Variants in DOCK8 observed in about 807,000 individuals in gnomAD.
DOCK8 encodes the protein dedicator of cytokinesis 8.
Under a neutral mutation model 245.6 loss-of-function variants are expected in DOCK8, and 141 were observed. The observed-to-expected ratio is 0.57, with a 90% CI of 0.50 to 0.66. DOCK8 has a LOEUF of 0.66. DOCK8 is among the 30% of genes least tolerant of loss of function. The pLI, the probability that DOCK8 is intolerant of heterozygous loss-of-function variation, is 0.00. For missense variants in DOCK8, 2,965 were observed against 2,603.4 expected (o/e 1.14, Z -3.02); for synonymous variants, 1,168 against 970.2 (o/e 1.20, Z -3.79).
At chr9:400,385 CCAT>C (rs1366516473) in intron 26 of DOCK8, among the ~76,000 whole-genome samples, 10 of 85,274 alleles carry the variant, frequency 1.2e-4, no homozygotes, top group South Asian at 4.2e-4. Context: ...TTCACCATCA[CCAT>C]CACCACCACC....
At chr9:250,662 G>A (rs546399953) in intron 1 of DOCK8, among the ~76,000 whole-genome samples, 9 of 152,260 alleles carry the variant, frequency 5.9e-5, no homozygotes, top group South Asian at 2.1e-4. Context: ...GGGCCTACAC[G>A]GGTGGAAAGC....
intron 44 of DOCK8, among the ~76,000 whole-genome samples, chr9:448,760 C>T (rs1157133803): frequency 2.0e-5 from 3 of 152,180 alleles, no homozygotes; most frequent in African/African-American, 7.2e-5. Flanking sequence ...CTCATTTTAA[C>T]TTGATTGCCT....
intron 26 of DOCK8, among the ~76,000 whole-genome samples, chr9:400,810 C>T: frequency 9.2e-5 from 10 of 108,782 alleles, no homozygotes; most frequent in Non-Finnish European, 1.1e-4. Flanking sequence ...CCTCCACCAT[C>T]ACCACCACCT....
Position 443,481 on chromosome 9 carries a change from A to G in DOCK8, c.5545A>G (p.Thr1849Ala). 1.2e-6 allele frequency: 2 copies of G among 1,614,046 alleles called. No individual in the cohort carries two copies. Among genetic ancestry groups the G allele is most frequent in the Non-Finnish European group, 1.7e-6 (2 of 1,179,990 alleles). ...ATTTGTGGAAGTGATTAAAGACTCC[A>G]CTCCTGTGGACAAAACCAAGTTGGA... ...AEFVEVIKDS[T>A]PVDKTKLDPN... Residue 1849 changes from threonine to alanine, a missense_variant, in exon 43 of 48, where the codon ACT becomes GCT. Physicochemically the swap from Thr to Ala is moderately conservative, Grantham distance 58. Transcript: ENST00000432829.
intron 9 of DOCK8, 101 bp from the exon 10 acceptor site, chr9:332,297 G>T: frequency 2.5e-6 from 2 of 799,378 alleles, no homozygotes; most frequent in Non-Finnish European, 4.3e-6. Flanking sequence ...AGCTTCCTAT[G>T]TCATCAAATA....
At chr9:417,723 G>T (rs937422388) in intron 29 of DOCK8, among the ~76,000 whole-genome samples, 1 of 152,150 alleles carries the variant, frequency 6.6e-6, no homozygotes, top group Admixed American at 6.5e-5. Context: ...GCTTAATTCT[G>T]TAATTGTAGG....
intron 14 of DOCK8, among the ~76,000 whole-genome samples, chr9:349,745 C>T (rs1229139657): frequency 1.3e-5 from 2 of 152,156 alleles, no homozygotes; most frequent in Non-Finnish European, 2.9e-5. Flanking sequence ...CATTTCTGTT[C>T]TCTGGAAGTG....
chr9:383,445 T>A (rs923212142), intron 22 of DOCK8, among the ~76,000 whole-genome samples: 2 of 152,152 alleles, frequency 1.3e-5, no homozygotes, highest in Non-Finnish European at 2.9e-5. Flanking sequence ...GGCAGGAGAA[T>A]CGCTTCAACC....
chr9:221,627 C>G (rs1412044563), intron 1 of DOCK8, among the ~76,000 whole-genome samples: 2 of 147,696 alleles, frequency 1.4e-5, no homozygotes, highest in African/African-American at 5.0e-5. Context: ...GCCTGGCCAA[C>G]ATGGTGAAAC....
intron 31 of DOCK8, 84 bp downstream of exon 31, chr9:420,667 C>A: frequency 6.5e-7 from 1 of 1,531,694 alleles, no homozygotes; most frequent in Non-Finnish European, 9.0e-7. Flanking sequence ...TTTGTTTGGG[C>A]CATGGAGGCA....
intron 34 of DOCK8, among the ~76,000 whole-genome samples, chr9:427,914 C>G (rs1477230251): frequency 6.6e-6 from 1 of 152,110 alleles, no homozygotes; most frequent in Non-Finnish European, 1.5e-5. Context: ...AAAGCTGAAA[C>G]CTTTTGTTAT....
rs7848937 is a variant in DOCK8, at chr9:434,512, A to T, written c.4887-271A>T. Among the ~76,000 whole-genome samples, 2,236 of 152,260 alleles carry T rather than the reference A, an allele frequency of 0.015. 59 individuals are homozygous for T. The highest frequency in any genetic ancestry group is 0.051 in the African/African-American group (2,119 of 41,528). ...CAGAAATTTGCCTGAGAGCCATTAA[A>T]ATAGACATCATGTTATCAGGTATTT... On this transcript the variant is annotated intron_variant, in intron 38 of 47. Transcript: ENST00000432829.
At chr9:292,069 C>CAA (rs139396600) in intron 4 of DOCK8, among the ~76,000 whole-genome samples, 8,781 of 52,510 alleles carry the variant, frequency 0.17, 1,450 homozygotes, top group Admixed American at 0.19. Context: ...GACCCTATCT[C>CAA]AAAAAAAAAA....
At chr9:407,305 G>A (rs2055479916) in intron 28 of DOCK8, among the ~76,000 whole-genome samples, 1 of 152,134 alleles carries the variant, frequency 6.6e-6, no homozygotes, top group Non-Finnish European at 1.5e-5. Flanking sequence ...ACTTTTCTTG[G>A]TCAACTATTT....
intron 24 of DOCK8, among the ~76,000 whole-genome samples, chr9:393,060 T>A (rs1586884079): frequency 1.7e-5 from 2 of 115,724 alleles, no homozygotes; most frequent in East Asian, 5.1e-4. Context: ...CACTCCAGCC[T>A]GGGCAACAGA....
At chr9:450,350 G>C (rs2057388841) in intron 45 of DOCK8, among the ~76,000 whole-genome samples, 1 of 152,082 alleles carries the variant, frequency 6.6e-6, no homozygotes, top group African/African-American at 2.4e-5. Context: ...CCAACTCTTG[G>C]CTCAGTCAGC....
chr9:331,295 ATC>A (rs1174371634), intron 9 of DOCK8, among the ~76,000 whole-genome samples: 2 of 151,790 alleles, frequency 1.3e-5, no homozygotes, highest in Non-Finnish European at 2.9e-5. Flanking sequence ...AGTGTGGTGC[ATC>A]TCTCAGTGGG....
At chr9:421,715 G>A (rs1014301762) in intron 32 of DOCK8, among the ~76,000 whole-genome samples, 1 of 152,220 alleles carries the variant, frequency 6.6e-6, no homozygotes, top group Non-Finnish European at 1.5e-5. Flanking sequence ...ATAGTTTTCA[G>A]TGGTGGTCAG....
At chr9:432,136 T>TC (rs2056736368) in intron 36 of DOCK8, 30 bp from the exon 37 acceptor site, 6 of 1,550,268 alleles carry the variant, frequency 3.9e-6, no homozygotes, top group Non-Finnish European at 5.2e-6. Context: ...CTTATTTACT[T>TC]CATCTTTTTT....
Sources: allele counts gnomAD v4.1 joint callset (sites outside exome capture counted in the v4.1 genomes callset), GRCh38; gene constraint gnomAD v4.1.1; transcripts MANE v1.5; gene names NCBI Gene and HGNC (gene_info 2026-07-23, HGNC 2026-07-21).